Variants in FREM1 observed in about 807,000 individuals in gnomAD.
The protein encoded by FREM1 is FRAS1-related extracellular matrix protein 1.
In FREM1, 220 loss-of-function variants were observed where a neutral mutation model predicts 210.1. The observed-to-expected ratio is 1.05, with a 90% CI of 0.94 to 1.17. FREM1 has a LOEUF of 1.17. Among genes scored for constraint, FREM1 ranks in the 50% most tolerant of loss-of-function variants. FREM1 has a pLI of 0.00. For synonymous variants in FREM1, 1,189 were observed against 980.2 expected (o/e 1.21, Z -3.98); for missense variants, 3,454 against 2,675.5 (o/e 1.29, Z -6.42).
intron 3 of FREM1, among the ~76,000 whole-genome samples, chr9:14,861,767 A>C (rs1444866937): frequency 6.6e-6 from 1 of 152,098 alleles, no homozygotes; most frequent in Non-Finnish European, 1.5e-5. Context: ...TTAGCCTCCC[A>C]AAGTGCTGGG....
chr9:14,845,929 C>A, intron 8 of FREM1, 31 bp downstream of exon 8: 1 of 1,611,148 alleles, frequency 6.2e-7, no homozygotes, highest in Non-Finnish European at 8.5e-7. Flanking sequence ...CTTTTGGATT[C>A]TTTGCTAGGT....
At position 14,887,389 on chromosome 9, in the gene FREM1, G is replaced by A. The variant is rs140342443; in HGVS notation, c.-267-18145C>T. On this transcript the variant is annotated intron_variant, in intron 1 of 36. Coordinates refer to ENST00000380880, the MANE Select transcript of FREM1 (RefSeq NM_001379081.2). ...ATTCTGGCCAAGTGCCCTTTCCCCT[G>A]TATCCTGACAATCTCATGCCATTTC... Among the ~76,000 whole-genome samples, 1,347 of 152,316 alleles carry A rather than the reference G, an allele frequency of 8.8e-3. 18 individuals carry two copies. The highest frequency in any genetic ancestry group is 0.031 in the African/African-American group (1,269 of 41,570).
chr9:14,767,034 C>T (rs1030007397), intron 27 of FREM1, among the ~76,000 whole-genome samples: 2 of 152,158 alleles, frequency 1.3e-5, no homozygotes, highest in Non-Finnish European at 2.9e-5. Context: ...CTTTCATATA[C>T]GTTACACATT....
At chr9:14,861,040 T>TATATACAC (rs1830212945) in intron 3 of FREM1, among the ~76,000 whole-genome samples, 2 of 75,064 alleles carry the variant, frequency 2.7e-5, no homozygotes, top group South Asian at 7.5e-4. Flanking sequence ...CATATATACA[T>TATATACAC]ATATACATAT....
intron 1 of FREM1, among the ~76,000 whole-genome samples, chr9:14,878,821 T>G (rs1043395525): frequency 6.6e-6 from 1 of 152,094 alleles, no homozygotes; most frequent in African/African-American, 2.4e-5. Flanking sequence ...ATACTGATTA[T>G]AGTTTAACCC....
At chr9:14,841,678 A>G (rs1339722641) in intron 9 of FREM1, 89 bp from the exon 10 acceptor site, 2 of 1,031,928 alleles carry the variant, frequency 1.9e-6, no homozygotes, top group East Asian at 5.0e-5. Flanking sequence ...CAAAAGTCTT[A>G]TCTGTCTAGT....
Position 14,775,791 on chromosome 9 carries a change from G to C in FREM1, c.4855C>G (p.Gln1619Glu). The change falls in exon 25 of 37, where the codon CAG becomes GAG. Residue 1619 changes from glutamine (Q) to glutamate (E), a missense_variant and splice_region_variant. By Grantham distance (29) the Gln-to-Glu change is conservative (BLOSUM62 2). Coordinates refer to ENST00000380880, the MANE Select transcript of FREM1 (RefSeq NM_001379081.2). ...VWEEPVLFTIQVDQLDKTAPR... is the reference protein window; with the variant it reads ...VWEEPVLFTIEVDQLDKTAPR... Reference sequence around the variant, plus strand: ...TGAACTGTGTTTTTCATACTTGCCTGAATGGTGAATAAAACAGGTTCTTCC... The same window carrying C: ...TGAACTGTGTTTTTCATACTTGCCTCAATGGTGAATAAAACAGGTTCTTCC... 6.2e-7 allele frequency: 1 copy of C among 1,604,516 alleles called. No individual in the cohort carries two copies. Among genetic ancestry groups the C allele is most frequent in the Non-Finnish European group, 8.5e-7 (1 of 1,173,282 alleles).
intron 20 of FREM1, among the ~76,000 whole-genome samples, chr9:14,799,300 G>A (rs1449971031): frequency 2.0e-5 from 3 of 151,624 alleles, no homozygotes; most frequent in African/African-American, 4.8e-5. Flanking sequence ...AAAAAAAAAG[G>A]TAAGAAGAAA....
chr9:14,739,472 ATATAATTCATATATATAT>A (rs1841078113), intron 36 of FREM1, among the ~76,000 whole-genome samples: 6 of 100,658 alleles, frequency 6.0e-5, no homozygotes, highest in East Asian at 2.6e-4. Flanking sequence ...ATATATATAT[ATATAATTCATATATATAT>A]ATTCATATAT....
rs578116367 is a variant in FREM1 at position 14,769,574 on chromosome 9, C to A, written c.5204+150G>T. 21 of 830,414 alleles carry A rather than the reference C, an allele frequency of 2.5e-5. No individual in the cohort carries two copies. In the African/African-American group the frequency reaches 3.4e-4, roughly 13 times the overall value. 51.4% of individuals were successfully genotyped at this position (830,414 alleles called of 1,614,324 possible). On this transcript the variant is annotated intron_variant, in intron 27 of 36. Transcript: ENST00000380880. ...TTCAAGCAGTAATAAAAAGAAAATT[C>A]ATTCTCCAAAATAAATTCCATGAGC...
intron 2 of FREM1, among the ~76,000 whole-genome samples, chr9:14,868,034 C>T (rs1313781781): frequency 6.6e-6 from 1 of 152,152 alleles, no homozygotes; most frequent in East Asian, 1.9e-4. Context: ...AAAAATTAAG[C>T]AGATAATTTC....
chr9:14,890,573 C>T (rs569514477), intron 1 of FREM1, among the ~76,000 whole-genome samples: 6 of 152,214 alleles, frequency 3.9e-5, no homozygotes, highest in East Asian at 3.9e-4. Context: ...CAAAACAAAA[C>T]GGGTTCTTTG....
At chr9:14,768,538 A>G (rs1010336836) in intron 27 of FREM1, among the ~76,000 whole-genome samples, 1 of 152,104 alleles carries the variant, frequency 6.6e-6, no homozygotes, top group African/African-American at 2.4e-5. Flanking sequence ...CCTATTCCCC[A>G]GCTCCTAGTA....
intron 10 of FREM1, among the ~76,000 whole-genome samples, chr9:14,825,386 G>A (rs1477225445): frequency 2.0e-5 from 3 of 150,528 alleles, no homozygotes; most frequent in Non-Finnish European, 3.0e-5. Flanking sequence ...TACTCGGCAG[G>A]CTGAGGCAGG....
At chr9:14,847,613 T>G (rs1352715424) in intron 7 of FREM1, among the ~76,000 whole-genome samples, 1 of 151,964 alleles carries the variant, frequency 6.6e-6, no homozygotes, top group Admixed American at 6.6e-5. Flanking sequence ...AATATTAACA[T>G]TGGTTATATC....
At chr9:14,738,153 G>A (rs1330851328) in intron 36 of FREM1, among the ~76,000 whole-genome samples, 2 of 152,000 alleles carry the variant, frequency 1.3e-5, no homozygotes, top group African/African-American at 2.4e-5. Flanking sequence ...AGATTTTCTC[G>A]ACTTGCCTCT....
At chr9:14,903,108 A>C (rs939805951) in intron 1 of FREM1, among the ~76,000 whole-genome samples, 7 of 152,140 alleles carry the variant, frequency 4.6e-5, no homozygotes, top group Non-Finnish European at 5.9e-5. Flanking sequence ...ATTGTTCCAA[A>C]ATTTCTAAGA....
At chr9:14,831,288 T>G (rs1244639199) in intron 10 of FREM1, among the ~76,000 whole-genome samples, 4 of 152,216 alleles carry the variant, frequency 2.6e-5, no homozygotes, top group African/African-American at 9.6e-5. Context: ...TTACTCTTTC[T>G]CTGCATGAAA....
At chr9:14,826,098 CTTT>C (rs5896650) in intron 10 of FREM1, among the ~76,000 whole-genome samples, 1 of 135,534 alleles carries the variant, frequency 7.4e-6, no homozygotes, top group Non-Finnish European at 1.5e-5. Flanking sequence ...CTTTCTCAAC[CTTT>C]TTTTTTTTTT....
Sources: gnomAD v4.1 joint callset for allele counts (sites outside exome capture counted in the v4.1 genomes callset) on GRCh38, gnomAD v4.1.1 for gene constraint, MANE v1.5 for transcripts, NCBI Gene and HGNC (gene_info 2026-07-23, HGNC 2026-07-21) for gene names.